Variants in SMAP2 observed in about 807,000 individuals in gnomAD.
SMAP2 encodes stromal membrane-associated protein 2.
Under a neutral mutation model 56.4 loss-of-function variants are expected in SMAP2, and 25 were observed. That is an observed-to-expected ratio of 0.44 (90% confidence interval 0.32 to 0.62). SMAP2 has a LOEUF of 0.62. Ranked by LOEUF, SMAP2 falls within the 20% of genes least tolerant of loss-of-function variation. The pLI, the probability that SMAP2 is intolerant of heterozygous loss-of-function variation, is 0.04. For synonymous variants in SMAP2, 157 were observed against 181.7 expected (o/e 0.86, Z 1.09); for missense variants, 388 against 545.6 (o/e 0.71, Z 2.88).
Position 40,385,716 on chromosome 1 carries a change from A to G in SMAP2, c.103+11493A>G, listed in dbSNP as rs1644646948. Among the ~76,000 whole-genome samples the G allele has an allele frequency of 1.3e-5, 2 of 152,240 alleles. No individual in the cohort carries two copies. Among genetic ancestry groups the G allele is most frequent in the Non-Finnish European group, 2.9e-5 (2 of 68,040 alleles). On this transcript the variant is annotated intron_variant, in intron 1 of 9. Coordinates refer to ENST00000372718, the MANE Select transcript of SMAP2 (RefSeq NM_022733.3). The surrounding 1 kb of genome is among the most constrained non-coding windows in gnomAD (Gnocchi z 4.5). ...TTGCAGCAGTTGCTGGTGACGGAATACCATAAATCCCCAGGCCTCTACCAC... is the reference window on the plus strand; with the variant it reads ...TTGCAGCAGTTGCTGGTGACGGAATGCCATAAATCCCCAGGCCTCTACCAC...
intron 1 of SMAP2, among the ~76,000 whole-genome samples, chr1:40,377,254 C>T (rs1045390964): frequency 3.9e-5 from 6 of 152,220 alleles, no homozygotes; most frequent in African/African-American, 1.4e-4. Context: ...TGATTGAGTG[C>T]CACTGCGCTG....
rs777205556 is a variant in SMAP2 at position 40,386,853 on chromosome 1, C to CCTT, written c.103+12630_103+12631insCTT. On this transcript the variant is annotated intron_variant, in intron 1 of 9. Coordinates refer to ENST00000372718, the MANE Select transcript of SMAP2 (RefSeq NM_022733.3). This position sits in a 1 kb window ranked among gnomAD's most constrained non-coding sequence, Gnocchi z 4.1. ...GATGCTGAAGGTATTTTTCATAATT[C>CCTT]TTTTTTTTTTTTTTTTTTGGAGACA... 2.0e-4 allele frequency among the ~76,000 whole-genome samples: 25 copies of CCTT among 127,364 alleles called. No individual in the cohort carries two copies. Among genetic ancestry groups the CCTT allele is most frequent in the African/African-American group, 7.4e-4 (25 of 33,698 alleles). 83.6% of individuals were successfully genotyped at this position (127,364 alleles called of 152,430 possible).
rs776020960 is a variant in SMAP2, at chr1:40,422,210, A to G, written c.*109A>G. 1.1e-3 allele frequency: 1,548 copies of G among 1,452,000 alleles called. 2 individuals are homozygous for G. Among genetic ancestry groups the G allele is most frequent in the Non-Finnish European group, 1.4e-3 (1,492 of 1,080,250 alleles). The allele number at this position is 1,452,000 out of a possible 1,614,324, so 89.9% of individuals were successfully genotyped here. A position where few individuals can be genotyped will look rare whatever the true frequency, so the allele number is the denominator to read the frequency against. On this transcript the variant is annotated 3_prime_UTR_variant, in exon 10 of 10. Transcript: ENST00000372718. ...TTTCCTACCTCTCTGTTTGGTTTAG[A>G]AATTGCTCAATAAGTCATTTGGGGT...
intron 1 of SMAP2, among the ~76,000 whole-genome samples, chr1:40,394,665 C>T (rs1242539967): frequency 6.6e-6 from 1 of 152,156 alleles, no homozygotes; most frequent in Non-Finnish European, 1.5e-5. Context: ...AGACTTGGGC[C>T]TTGTCTCAGC....
At chr1:40,383,887 A>G (rs1644626850) in intron 1 of SMAP2, among the ~76,000 whole-genome samples, 2 of 149,826 alleles carry the variant, frequency 1.3e-5, no homozygotes, top group South Asian at 4.2e-4. Context: ...GGTACAGCTC[A>G]CTCTTTTTTT....
rs376040047 is a variant in SMAP2, at chr1:40,410,952, CT to C, written c.402+1118del. ...CACTTCCAGCGCAGGTCCTACCTAT[CT>C]ATCATCTATTCTAGTTATGTAATAA... On this transcript the variant is annotated intron_variant, in intron 4 of 9. Coordinates refer to ENST00000372718, the MANE Select transcript of SMAP2 (RefSeq NM_022733.3). Among the ~76,000 whole-genome samples the C allele has an allele frequency of 1.8e-3, 274 of 152,258 alleles. 1 individual carries two copies. Among genetic ancestry groups the C allele is most frequent in the Non-Finnish European group, 3.4e-3 (233 of 68,006 alleles).
intron 1 of SMAP2, among the ~76,000 whole-genome samples, chr1:40,405,585 A>C (rs1644878091): frequency 1.3e-5 from 2 of 152,246 alleles, no homozygotes; most frequent in African/African-American, 4.8e-5. Flanking sequence ...TTCCAAGCGT[A>C]GGCCCTGTTT....
At chr1:40,403,146 T>C (rs1417459693) in intron 1 of SMAP2, among the ~76,000 whole-genome samples, 1 of 152,216 alleles carries the variant, frequency 6.6e-6, no homozygotes, top group Non-Finnish European at 1.5e-5. Context: ...GTAAATTTCT[T>C]CTCTCTGTAT....
At chr1:40,397,268 C>T (rs1644781171) in intron 1 of SMAP2, among the ~76,000 whole-genome samples, 1 of 152,176 alleles carries the variant, frequency 6.6e-6, no homozygotes, top group Admixed American at 6.5e-5. Flanking sequence ...GCTCATTGTT[C>T]ACCCAATTCA....
At chr1:40,381,255 A>G (rs546269515) in intron 1 of SMAP2, among the ~76,000 whole-genome samples, 2 of 152,352 alleles carry the variant, frequency 1.3e-5, no homozygotes, top group African/African-American at 2.4e-5. Flanking sequence ...ACCGGGACAT[A>G]TAGATTAAAA....
In SMAP2 at chr1:40,374,526, G is replaced by A. The variant is rs534223410; in HGVS notation, c.103+303G>A. On this transcript the variant is annotated intron_variant, in intron 1 of 9. Coordinates refer to ENST00000372718, the MANE Select transcript of SMAP2 (RefSeq NM_022733.3). The surrounding 1 kb of genome is among the most constrained non-coding windows in gnomAD (Gnocchi z 5.9). The stretch of plus-strand genomic sequence containing the variant: ...GCTCTGAATGAGTTCTGGGCCGGCT[G>A]TCCAGAGAGAGCTCCCAGCATGTCA... 1.5e-5 allele frequency: 13 copies of A among 892,172 alleles called. No individual in the cohort carries two copies. In the East Asian group the frequency reaches 2.4e-4, roughly 16 times the overall value. The allele number at this position is 892,172 out of a possible 1,614,324, so 55.3% of individuals were successfully genotyped here. A position where few individuals can be genotyped will look rare whatever the true frequency, so the allele number is the denominator to read the frequency against.
In SMAP2 at chr1:40,409,808, C is replaced by T; in HGVS notation, c.375C>T (p.Asp125=). The part of the protein sequence containing the change: ...RDKYEKKKYM[D]RSLDINAFRK... ...AATATGAGAAGAAGAAATACATGGA[C>T]CGAAGTCTGGACATCAATGCCTTTA... The change falls in exon 4 of 10, where the codon GAC becomes GAT. Residue 125 remains aspartate, a synonymous_variant. Coordinates refer to ENST00000372718, the MANE Select transcript of SMAP2 (RefSeq NM_022733.3). The T allele has an allele frequency of 1.2e-6, 2 of 1,613,014 alleles. No individual in the cohort carries two copies. The highest frequency in any genetic ancestry group is 1.7e-6 in the Non-Finnish European group (2 of 1,179,004).
intron 1 of SMAP2, among the ~76,000 whole-genome samples, chr1:40,401,639 G>A (rs1281202719): frequency 1.3e-5 from 2 of 152,120 alleles, no homozygotes; most frequent in Non-Finnish European, 2.9e-5. Context: ...TCTAATCCTG[G>A]CAGCTTTGGT....
At chr1:40,383,757 C>A (rs1012384156) in intron 1 of SMAP2, among the ~76,000 whole-genome samples, 2 of 152,168 alleles carry the variant, frequency 1.3e-5, no homozygotes, top group African/African-American at 4.8e-5. Flanking sequence ...CCCACCCTGT[C>A]AATTCTGGGA....
intron 1 of SMAP2, among the ~76,000 whole-genome samples, chr1:40,347,199 G>A (rs1468454058): frequency 7.3e-5 from 11 of 149,970 alleles, no homozygotes; most frequent in South Asian, 2.1e-4. Flanking sequence ...GCACCACCAC[G>A]CCTGGCTAAT....
chr1:40,411,188 C>T (rs542367569), intron 4 of SMAP2, among the ~76,000 whole-genome samples: 1 of 152,208 alleles, frequency 6.6e-6, no homozygotes, highest in Non-Finnish European at 1.5e-5. Context: ...GTATGAAGGA[C>T]TCTTACCTTG....
At chr1:40,420,927 G>A (rs1645035867) in intron 9 of SMAP2, among the ~76,000 whole-genome samples, 1 of 152,120 alleles carries the variant, frequency 6.6e-6, no homozygotes, top group South Asian at 2.1e-4. Context: ...ATTAGAATAT[G>A]GTGTTAATGT....
In SMAP2 at chr1:40,386,267, T is replaced by C. The variant is rs1352905102; in HGVS notation, c.103+12044T>C. On this transcript the variant is annotated intron_variant, in intron 1 of 9. Transcript: ENST00000372718. This position sits in a 1 kb window ranked among gnomAD's most constrained non-coding sequence, Gnocchi z 4.1. ...TTCAGGCTCTTCTGCTATGTTGAAA[T>C]CATTTTTACTGAAAGATTAGCTGTT... is the stretch of plus-strand genomic sequence containing the variant. Among the ~76,000 whole-genome samples the C allele has an allele frequency of 6.6e-6, 1 of 152,216 alleles. No homozygotes were observed. The highest frequency in any genetic ancestry group is 1.9e-4 in the East Asian group (1 of 5,204).
At chr1:40,359,473 CTT>C (rs1461409552) in intron 1 of SMAP2, among the ~76,000 whole-genome samples, 2 of 152,118 alleles carry the variant, frequency 1.3e-5, no homozygotes, top group African/African-American at 4.8e-5. Flanking sequence ...CATTCAGCCA[CTT>C]TATGTCTTTT....
Sources: gnomAD v4.1 joint callset for allele counts (sites outside exome capture counted in the v4.1 genomes callset) on GRCh38, gnomAD v4.1.1 for gene constraint, Gnocchi (gnomAD v3.1) non-coding constraint, MANE v1.5 for transcripts, NCBI Gene and HGNC (gene_info 2026-07-23, HGNC 2026-07-21) for gene names.